Variants in HCN1 observed in about 807,000 individuals in gnomAD.
HCN1 encodes hyperpolarization activated cyclic nucleotide gated potassium channel 1.
In HCN1, 13 loss-of-function variants were observed where a neutral mutation model predicts 78.9. The observed-to-expected ratio is 0.16, with a 90% CI of 0.11 to 0.26. HCN1 has a LOEUF of 0.26. Ranked by LOEUF, HCN1 falls within the 10% of genes least tolerant of loss-of-function variation. The probability of loss-of-function intolerance (pLI) is 1.00; values close to 1 mark genes in which losing one functional copy is unlikely to be tolerated. For synonymous variants in HCN1, 552 were observed against 455.5 expected (o/e 1.21, Z -2.70); for missense variants, 810 against 1,154.3 (o/e 0.70, Z 4.32).
intron 6 of HCN1, among the ~76,000 whole-genome samples, chr5:45,301,355 A>G (rs374588590): frequency 7.4e-6 from 1 of 134,414 alleles, no homozygotes; most frequent in Non-Finnish European, 1.6e-5. Flanking sequence ...ATAATAAAAT[A>G]TAATAAATTA....
chr5:45,299,173 C>G (rs1032158631), intron 6 of HCN1, among the ~76,000 whole-genome samples: 13 of 151,858 alleles, frequency 8.6e-5, no homozygotes, highest in Admixed American at 5.3e-4. Context: ...AGATTCTGAA[C>G]AGAAAAAGGA....
At chr5:45,285,982 G>A (rs148105642) in intron 6 of HCN1, among the ~76,000 whole-genome samples, 12 of 151,642 alleles carry the variant, frequency 7.9e-5, no homozygotes, top group East Asian at 5.8e-4. Flanking sequence ...AAACACACAC[G>A]GAAAATTTGT....
intron 2 of HCN1, among the ~76,000 whole-genome samples, chr5:45,481,255 A>G (rs991794326): frequency 6.6e-6 from 1 of 152,234 alleles, no homozygotes; most frequent in African/African-American, 2.4e-5. Context: ...GATATCTCTC[A>G]TGAACACCAA....
rs570812121 is a variant in HCN1, at chr5:45,531,901, G to A, written c.850-69894C>T. On this transcript the variant is annotated intron_variant, in intron 2 of 7. Coordinates refer to ENST00000303230, the MANE Select transcript of HCN1 (RefSeq NM_021072.4). ...CTAAAATGCAAAAGAACAGCCAGGC[G>A]AGGCAGTGTGCACTTGTGGTCCCAG... Among the ~76,000 whole-genome samples the A allele has an allele frequency of 9.2e-5, 14 of 152,158 alleles. No homozygotes were observed. The South Asian group carries it at 1.2e-3, about 14-fold the overall frequency.
At chr5:45,458,778 CA>C (rs1331441625) in intron 3 of HCN1, among the ~76,000 whole-genome samples, 1 of 151,906 alleles carries the variant, frequency 6.6e-6, no homozygotes, top group Non-Finnish European at 1.5e-5. Context: ...TTTTTCTAGC[CA>C]AAAAGTGGGG....
intron 2 of HCN1, among the ~76,000 whole-genome samples, chr5:45,474,648 T>C (rs982877059): frequency 3.9e-5 from 6 of 152,078 alleles, no homozygotes; most frequent in African/African-American, 1.4e-4. Flanking sequence ...ATGTAGTCAC[T>C]GCTTTCTTGC....
At chr5:45,334,547 A>G (rs1343884703) in intron 5 of HCN1, among the ~76,000 whole-genome samples, 1 of 151,672 alleles carries the variant, frequency 6.6e-6, no homozygotes, top group African/African-American at 2.4e-5. Context: ...CCATGTGTTC[A>G]TGTCTTGTTT....
chr5:45,476,916 TAATA>T (rs1392846472), intron 2 of HCN1, among the ~76,000 whole-genome samples: 2 of 152,132 alleles, frequency 1.3e-5, no homozygotes, highest in Non-Finnish European at 2.9e-5. Context: ...AGTAAAGGAT[TAATA>T]AATAATTGTG....
intron 7 of HCN1, among the ~76,000 whole-genome samples, chr5:45,265,249 CAGAA>C (rs1273914987): frequency 1.3e-5 from 2 of 151,776 alleles, no homozygotes; most frequent in African/African-American, 4.8e-5. Flanking sequence ...ATCAGATTAA[CAGAA>C]ATTATCTAGT....
intron 2 of HCN1, among the ~76,000 whole-genome samples, chr5:45,588,602 A>G (rs1372708529): frequency 1.3e-5 from 2 of 152,092 alleles, no homozygotes; most frequent in African/African-American, 4.8e-5. Context: ...TGATAATTTT[A>G]AAAGACCCAG....
intron 3 of HCN1, among the ~76,000 whole-genome samples, chr5:45,421,464 T>TA (rs1483973860): frequency 1.3e-5 from 2 of 152,042 alleles, no homozygotes; most frequent in African/African-American, 4.8e-5. Context: ...TAAGCAACTA[T>TA]ATGGATTAAT....
rs111337365 is a variant in HCN1 at position 45,449,608 on chromosome 5, C to CT, written c.1011+12237dup. ...TAATAACACTTCTTCATTAATGTTTCTTTTTTTTTTCTTTATACCGCTTTA... is the reference window on the plus strand; with the variant it reads ...TAATAACACTTCTTCATTAATGTTTCTTTTTTTTTTTCTTTATACCGCTTTA... On this transcript the variant is annotated intron_variant, in intron 3 of 7. Transcript: ENST00000303230. Among the ~76,000 whole-genome samples, 289 of 149,176 alleles carry CT rather than the reference C, an allele frequency of 1.9e-3. 1 individual carries two copies. The highest frequency in any genetic ancestry group is 6.4e-3 in the African/African-American group (258 of 40,584).
intron 4 of HCN1, among the ~76,000 whole-genome samples, chr5:45,354,348 T>G (rs189472874): frequency 4.4e-4 from 67 of 152,154 alleles, no homozygotes; most frequent in Admixed American, 9.8e-4. Flanking sequence ...ATTGTATAGA[T>G]GACAGCATCG....
intron 6 of HCN1, among the ~76,000 whole-genome samples, chr5:45,294,636 G>GGTATATTATTT (rs1444769372): frequency 2.0e-5 from 3 of 151,800 alleles, no homozygotes; most frequent in Non-Finnish European, 4.4e-5. Context: ...TTGGTACAAA[G>GGTATATTATTT]GTATATTATT....
rs184490390 is a variant in HCN1, at chr5:45,316,117, G to T, written c.1378-12278C>A. Among the ~76,000 whole-genome samples, 82 of 152,154 alleles carry T rather than the reference G, an allele frequency of 5.4e-4. 1 individual carries two copies. The highest frequency in any genetic ancestry group is 9.7e-4 in the East Asian group (5 of 5,174). On this transcript the variant is annotated intron_variant, in intron 5 of 7. Coordinates refer to ENST00000303230, the MANE Select transcript of HCN1 (RefSeq NM_021072.4). Reference sequence around the variant, plus strand: ...GTCTGGCAGAGACACAACAAAAAGAGAATTTTAGACCAATATCCCTGATGA... The same window carrying T: ...GTCTGGCAGAGACACAACAAAAAGATAATTTTAGACCAATATCCCTGATGA...
intron 2 of HCN1, among the ~76,000 whole-genome samples, chr5:45,614,607 G>A (rs997086988): frequency 2.0e-5 from 3 of 151,966 alleles, no homozygotes; most frequent in Admixed American, 1.3e-4. Flanking sequence ...CACTTATTTA[G>A]GGACTGATTA....
intron 6 of HCN1, among the ~76,000 whole-genome samples, chr5:45,297,500 C>T (rs531259336): frequency 1.3e-5 from 2 of 152,110 alleles, no homozygotes; most frequent in South Asian, 4.1e-4. Flanking sequence ...AATCACCAGG[C>T]CCAAAAGTTG....
At chr5:45,485,490 A>G (rs1188742128) in intron 2 of HCN1, among the ~76,000 whole-genome samples, 1 of 152,222 alleles carries the variant, frequency 6.6e-6, no homozygotes, top group African/African-American at 2.4e-5. Context: ...ACAATAAAAC[A>G]AAACAGTTTT....
At chr5:45,472,571 A>AGAAGGAAG (rs547555800) in intron 2 of HCN1, among the ~76,000 whole-genome samples, 2 of 129,464 alleles carry the variant, frequency 1.5e-5, no homozygotes, top group African/African-American at 3.0e-5. Flanking sequence ...AGGAAAGGAA[A>AGAAGGAAG]GAAGGAAGGA....
Sources: gnomAD v4.1 joint callset for allele counts (sites outside exome capture counted in the v4.1 genomes callset) on GRCh38, gnomAD v4.1.1 for gene constraint, MANE v1.5 for transcripts, NCBI Gene and HGNC (gene_info 2026-07-23, HGNC 2026-07-21) for gene names.